The following MBD5 variants were observed in gnomAD, a reference collection of about 807,000 sequenced individuals.
The protein encoded by MBD5 is methyl-CpG binding domain protein 5.
A neutral mutation model predicts 117.3 loss-of-function variants in MBD5; 13 were observed. That is an observed-to-expected ratio of 0.11 (90% confidence interval 0.07 to 0.18). MBD5 has a LOEUF of 0.18. Among genes scored for constraint, MBD5 ranks in the 10% least tolerant of loss-of-function variants. MBD5 has a pLI of 1.00. For missense variants in MBD5, 1,879 were observed against 2,093.8 expected, an observed-to-expected ratio of 0.90 and a Z score of 2.00; for synonymous variants, 727 against 766.4, an observed-to-expected ratio of 0.95 and a Z score of 0.85.
chr2:148,155,544 G>A (rs1697852286), intron 1 of MBD5, among the ~76,000 whole-genome samples: 1 of 152,044 alleles, frequency 6.6e-6, no homozygotes, highest in South Asian at 2.1e-4. Flanking sequence ...ACATTTTATT[G>A]ATTCCAACTC....
intron 4 of MBD5, among the ~76,000 whole-genome samples, chr2:148,432,004 C>G (rs545281329): frequency 6.7e-6 from 1 of 148,754 alleles, no homozygotes; most frequent in Non-Finnish European, 1.5e-5. Context: ...CCCGTTAGCA[C>G]TCACTTTTCT....
intron 5 of MBD5, 118 bp from the exon 6 acceptor site, chr2:148,462,464 C>T (rs1448350304): frequency 2.4e-5 from 17 of 709,908 alleles, no homozygotes; most frequent in African/African-American, 7.1e-5. Flanking sequence ...AAAGAAAATG[C>T]TTTTCCCTAG....
chr2:148,450,840 A>AAGTCACATAGT (rs1203530377), intron 4 of MBD5, among the ~76,000 whole-genome samples: 3 of 152,116 alleles, frequency 2.0e-5, no homozygotes, highest in African/African-American at 7.2e-5. Flanking sequence ...ATGTGACTAG[A>AAGTCACATAGT]GTGTATAAGT....
intron 3 of MBD5, among the ~76,000 whole-genome samples, chr2:148,285,519 A>G (rs1004665522): frequency 1.3e-5 from 2 of 152,236 alleles, no homozygotes; most frequent in African/African-American, 2.4e-5. Flanking sequence ...AATTAGCCAC[A>G]CTTAAGCAAA....
chr2:148,388,485 A>C (rs776222598), intron 4 of MBD5, among the ~76,000 whole-genome samples: 10 of 152,158 alleles, frequency 6.6e-5, no homozygotes, highest in Non-Finnish European at 1.5e-4. Flanking sequence ...AGCATGTGTT[A>C]TTTTGCTTCA....
rs1393532031 is a variant in MBD5, at chr2:148,502,493, C to T, written c.5020C>T (p.Arg1674Trp). ...TEGLEAYSRV[R>W]KRNRKSGKLN... ...AGGTTTGGAAGCCTACAGCCGTGTC[C>T]GGAAAAGGAACAGAAAGTAAGCACT... The change falls in exon 12 of 14, where the codon CGG becomes TGG. Residue 1674 changes from arginine to tryptophan, a missense_variant. By Grantham distance (101) the Arg-to-Trp change is moderately radical. Around this residue, in one of 4 missense-constraint regions of MBD5, gnomAD observed 135 missense variants for 148.0 expected, o/e 0.91. Coordinates refer to ENST00000642680, the MANE Select transcript of MBD5 (RefSeq NM_001378120.1). 15 of 1,614,100 alleles carry T rather than the reference C, an allele frequency of 9.3e-6. No individual in the cohort carries two copies. Among genetic ancestry groups the T allele is most frequent in the East Asian group, 2.2e-5 (1 of 44,888 alleles).
At chr2:148,052,055 G>A (rs932772019) in intron 1 of MBD5, among the ~76,000 whole-genome samples, 2 of 151,098 alleles carry the variant, frequency 1.3e-5, no homozygotes, top group Non-Finnish European at 3.0e-5. Context: ...TTTTTTTCTT[G>A]GGTAGTCTAG....
At chr2:148,284,293 T>A (rs1443371254) in intron 3 of MBD5, among the ~76,000 whole-genome samples, 1 of 152,226 alleles carries the variant, frequency 6.6e-6, no homozygotes, top group Admixed American at 6.5e-5. Context: ...ACCAGCACAG[T>A]AAATAACCTT....
intron 3 of MBD5, among the ~76,000 whole-genome samples, chr2:148,248,973 C>A (rs1011388840): frequency 6.6e-6 from 1 of 152,026 alleles, no homozygotes; most frequent in Admixed American, 6.6e-5. Flanking sequence ...TGAAATTTGA[C>A]CCCCTACTTT....
intron 4 of MBD5, among the ~76,000 whole-genome samples, chr2:148,383,808 A>G (rs1195817317): frequency 1.3e-5 from 2 of 152,220 alleles, no homozygotes; most frequent in African/African-American, 4.8e-5. Flanking sequence ...GGTTCAACAT[A>G]TGAAAGTCAA....
intron 3 of MBD5, among the ~76,000 whole-genome samples, chr2:148,329,708 C>T (rs1005188477): frequency 6.6e-6 from 1 of 152,082 alleles, no homozygotes; most frequent in Non-Finnish European, 1.5e-5. Flanking sequence ...GAGGCATAAC[C>T]TGGAATGATT....
At chr2:148,456,199 C>G (rs893462407) in intron 4 of MBD5, among the ~76,000 whole-genome samples, 3 of 152,106 alleles carry the variant, frequency 2.0e-5, no homozygotes, top group Non-Finnish European at 4.4e-5. Flanking sequence ...ACAACATAAA[C>G]TTTTTTATCA....
At chr2:148,048,944 G>A (rs1694618679) in intron 1 of MBD5, among the ~76,000 whole-genome samples, 2 of 152,180 alleles carry the variant, frequency 1.3e-5, no homozygotes, top group South Asian at 4.1e-4. Context: ...ATGAATTCTT[G>A]TGTACTCCCA....
At chr2:148,451,329 G>A (rs1706721369) in intron 4 of MBD5, among the ~76,000 whole-genome samples, 1 of 152,170 alleles carries the variant, frequency 6.6e-6, no homozygotes, top group South Asian at 2.1e-4. Flanking sequence ...TGGGGCTAGT[G>A]TATTGCACAG....
At position 148,513,414 on chromosome 2, in the gene MBD5, A is replaced by G. The variant is rs1205002323; in HGVS notation, c.*473A>G. ...GGTTTCTATGGAGTACACCTACCAGAGACTACCAGTGTAAAGTGATAAATA... is the reference window on the plus strand; with the variant it reads ...GGTTTCTATGGAGTACACCTACCAGGGACTACCAGTGTAAAGTGATAAATA... On this transcript the variant is annotated 3_prime_UTR_variant, in exon 14 of 14. Coordinates refer to ENST00000642680, the MANE Select transcript of MBD5 (RefSeq NM_001378120.1). 1 of 165,826 alleles carries G rather than the reference A, an allele frequency of 6.0e-6. No homozygotes were observed. Among genetic ancestry groups the G allele is most frequent in the Non-Finnish European group, 1.3e-5 (1 of 75,134 alleles). The allele number at this position is 165,826 out of a possible 1,614,324, so 10.3% of individuals were successfully genotyped here. A position where few individuals can be genotyped will look rare whatever the true frequency, so the allele number is the denominator to read the frequency against.
At chr2:148,479,226 A>C (rs939658318) in intron 8 of MBD5, among the ~76,000 whole-genome samples, 1 of 152,184 alleles carries the variant, frequency 6.6e-6, no homozygotes, top group African/African-American at 2.4e-5. Context: ...ACTTCTCGAA[A>C]TATCTGGAAG....
chr2:148,021,457 C>G lies in MBD5; in HGVS notation c.-1152C>G. On this transcript the variant is annotated 5_prime_UTR_variant, in exon 1 of 14. Coordinates refer to ENST00000642680, the MANE Select transcript of MBD5 (RefSeq NM_001378120.1). Reference sequence around the variant, plus strand: ...TCTTAGCAACACAGACCCTTTGCTGCTGCTGTTGCTGCTGCTGCTGCTGTT... The same window carrying G: ...TCTTAGCAACACAGACCCTTTGCTGGTGCTGTTGCTGCTGCTGCTGCTGTT... 1.7e-6 allele frequency: 1 copy of G among 576,308 alleles called. No homozygotes were observed. The allele number at this position is 576,308 out of a possible 1,614,324, so 35.7% of individuals were successfully genotyped here.
At chr2:148,345,039 GT>G (rs1703052642) in intron 4 of MBD5, among the ~76,000 whole-genome samples, 1 of 151,716 alleles carries the variant, frequency 6.6e-6, no homozygotes, top group African/African-American at 2.4e-5. Context: ...GTATACCAAG[GT>G]TGTAGAAATC....
At chr2:148,183,324 G>A (rs893063650) in intron 2 of MBD5, among the ~76,000 whole-genome samples, 1 of 151,946 alleles carries the variant, frequency 6.6e-6, no homozygotes, top group Non-Finnish European at 1.5e-5. Flanking sequence ...GAAGAAAAAT[G>A]AAGGGTATTT....
Sources: allele counts gnomAD v4.1 joint callset (sites outside exome capture counted in the v4.1 genomes callset), GRCh38; gene constraint gnomAD v4.1.1; regional missense constraint gnomAD v4.1.1; transcripts MANE v1.5; gene names NCBI Gene and HGNC (gene_info 2026-07-23, HGNC 2026-07-21).